Variants in MRTFB observed in about 807,000 individuals in gnomAD.
MRTFB encodes myocardin-related transcription factor B.
MRTFB carries 29 observed loss-of-function variants against 104.2 expected under a neutral mutation model. The observed-to-expected ratio is 0.28, with a 90% CI of 0.21 to 0.38. MRTFB has a LOEUF of 0.38. Ranked by LOEUF, MRTFB falls within the 10% of genes least tolerant of loss-of-function variation. MRTFB has a pLI of 1.00. For missense variants in MRTFB, 1,270 were observed against 1,341.6 expected (o/e 0.95, Z 0.83); for synonymous variants, 535 against 519.5 (o/e 1.03, Z -0.41).
intron 3 of MRTFB, among the ~76,000 whole-genome samples, chr16:14,208,548 GTA>G (rs1555499875): frequency 6.6e-6 from 1 of 152,224 alleles, no homozygotes; most frequent in Non-Finnish European, 1.5e-5. Context: ...TGTTCCAGAA[GTA>G]TCAACCTTTG....
At chr16:14,260,866 T>C (rs771348232) in intron 16 of MRTFB, 43 bp from the exon 17 acceptor site, 16 of 1,506,986 alleles carry the variant, frequency 1.1e-5, no homozygotes, top group Admixed American at 2.1e-5. Context: ...TTTTAAGTAG[T>C]AGTAAATCTT....
chr16:14,085,633 G>C (rs904055954), intron 2 of MRTFB, among the ~76,000 whole-genome samples: 6 of 151,660 alleles, frequency 4.0e-5, no homozygotes, highest in Non-Finnish European at 1.5e-5. Context: ...TTTACATCCA[G>C]CACCTAATAT....
chr16:14,169,444 C>T (rs1450011597), intron 3 of MRTFB, among the ~76,000 whole-genome samples: 2 of 135,258 alleles, frequency 1.5e-5, no homozygotes, highest in Non-Finnish European at 3.0e-5. Context: ...TTAACTTTGC[C>T]CATTTTTTAA....
At chr16:14,151,208 A>T (rs2038598370) in intron 3 of MRTFB, 1 of 152,204 alleles carries the variant, frequency 6.6e-6, no homozygotes, top group Admixed American at 6.5e-5. Flanking sequence ...ATGTGTATGT[A>T]AGTTTTGGTA....
In MRTFB at chr16:14,218,956, T is replaced by C. The variant is rs1425935728; in HGVS notation, c.651T>C (p.Val217=). Residue 217 remains valine, a synonymous_variant, in exon 8 of 17, where the codon GTT becomes GTC. Transcript: ENST00000571589. ...CCGCGTCCCCAAGTGAGCCAAAAGT[T>C]AGTGAATCGCCATCTCCTGTGACTA... ...GSAASPSEPK[V]SESPSPVTTN... 1 of 1,614,046 alleles carries C rather than the reference T, an allele frequency of 6.2e-7. No homozygotes were observed.
At chr16:14,180,105 ATAAGAG>A (rs1379766550) in intron 3 of MRTFB, among the ~76,000 whole-genome samples, 5 of 152,228 alleles carry the variant, frequency 3.3e-5, no homozygotes, top group Non-Finnish European at 7.3e-5. Flanking sequence ...GAACATTCTA[ATAAGAG>A]TAAAAGAATG....
At chr16:14,161,838 C>G (rs2039050758) in intron 3 of MRTFB, among the ~76,000 whole-genome samples, 1 of 152,016 alleles carries the variant, frequency 6.6e-6, no homozygotes, top group South Asian at 2.1e-4. Context: ...TTCATTAGTA[C>G]CTCAAAAATG....
chr16:14,059,808 G>A, the MRTFB span, among the ~76,000 whole-genome samples: 2 of 152,176 alleles, frequency 1.3e-5, no homozygotes, highest in East Asian at 1.9e-4. Flanking sequence ...AGGTGAAGGG[G>A]AAGACAAGAG....
At chr16:14,046,545 T>G in the MRTFB span, among the ~76,000 whole-genome samples, 1 of 152,116 alleles carries the variant, frequency 6.6e-6, no homozygotes, top group African/African-American at 2.4e-5. Context: ...TTTCCAGCAT[T>G]TCTTGGCCTG....
In MRTFB at chr16:14,178,176, C is replaced by T. The variant is rs150092083; in HGVS notation, c.155-32067C>T. Among the ~76,000 whole-genome samples, 286 of 152,042 alleles carry T rather than the reference C, an allele frequency of 1.9e-3. 2 individuals are homozygous for T. The highest frequency in any genetic ancestry group is 3.3e-3 in the Non-Finnish European group (227 of 67,972). ...GACCTAAACAAATTGTCTGGATTCCCTATGGCAAGAAAAAAATTTACTTCT... is the reference window on the plus strand; with the variant it reads ...GACCTAAACAAATTGTCTGGATTCCTTATGGCAAGAAAAAAATTTACTTCT... On this transcript the variant is annotated intron_variant, in intron 3 of 16. Coordinates refer to ENST00000571589, the MANE Select transcript of MRTFB (RefSeq NM_001308142.2).
intron 3 of MRTFB, among the ~76,000 whole-genome samples, chr16:14,209,105 G>A (rs966439265): frequency 6.6e-6 from 1 of 152,202 alleles, no homozygotes; most frequent in South Asian, 2.1e-4. Flanking sequence ...CTGCTCTGCA[G>A]TCAGCGCAAG....
intron 3 of MRTFB, among the ~76,000 whole-genome samples, chr16:14,189,051 C>A (rs1006703051): frequency 6.6e-6 from 1 of 151,972 alleles, no homozygotes; most frequent in African/African-American, 2.4e-5. Flanking sequence ...CTAAATATTT[C>A]TCCTCATTTA....
At chr16:14,215,275 G>C (rs756177545) in intron 6 of MRTFB, among the ~76,000 whole-genome samples, 1 of 152,166 alleles carries the variant, frequency 6.6e-6, no homozygotes, top group South Asian at 2.1e-4. Context: ...CTGTTCTCAA[G>C]TTGGGAGTTT....
Position 14,247,154 on chromosome 16 carries a change from G to A in MRTFB, c.1894G>A (p.Gly632Ser), listed in dbSNP as rs114811657. 185 of 1,614,118 alleles carry A rather than the reference G, an allele frequency of 1.1e-4. No homozygotes were observed. In the East Asian group the frequency reaches 2.7e-3, roughly 24 times the overall value. ...GHSVKSDQKH[G>S]SLGSSIKDEA... ...TTCTGTCAAGTCAGATCAGAAGCAC[G>A]GCAGCCTTGGCTCCTCCATCAAAGA... Residue 632 changes from glycine to serine, a missense_variant, in exon 12 of 17, where the codon GGC (glycine) becomes AGC (serine). By Grantham distance (56) the Gly-to-Ser change is moderately conservative. Coordinates refer to ENST00000571589, the MANE Select transcript of MRTFB (RefSeq NM_001308142.2).
intron 3 of MRTFB, among the ~76,000 whole-genome samples, chr16:14,191,388 TAAAG>T (rs1318144186): frequency 1.3e-5 from 2 of 152,246 alleles, no homozygotes; most frequent in African/African-American, 4.8e-5. Flanking sequence ...TGCCATTTTT[TAAAG>T]AAAGGCACTT....
chr16:14,166,178 G>C (rs1156735929), intron 3 of MRTFB, among the ~76,000 whole-genome samples: 4 of 151,148 alleles, frequency 2.6e-5, no homozygotes, highest in Non-Finnish European at 4.4e-5. Flanking sequence ...CTTGTGTGTG[G>C]AGGAGGAAAC....
intron 2 of MRTFB, among the ~76,000 whole-genome samples, chr16:14,128,308 G>A (rs1307937680): frequency 6.6e-6 from 1 of 152,168 alleles, no homozygotes; most frequent in Non-Finnish European, 1.5e-5. Context: ...ACCTCAAAAG[G>A]TCACCTCTTA....
At chr16:14,106,692 G>T (rs545768510) in intron 2 of MRTFB, among the ~76,000 whole-genome samples, 1 of 152,166 alleles carries the variant, frequency 6.6e-6, no homozygotes, top group African/African-American at 2.4e-5. Flanking sequence ...GAAGGCTTTT[G>T]TAAGAGTGAG....
intron 8 of MRTFB, among the ~76,000 whole-genome samples, chr16:14,231,830 G>C (rs1567196088): frequency 1.3e-5 from 2 of 152,138 alleles, no homozygotes; most frequent in African/African-American, 2.4e-5. Flanking sequence ...AGGGGCTTTT[G>C]TTGTGTTTTG....
Sources: gnomAD v4.1 joint callset for allele counts (sites outside exome capture counted in the v4.1 genomes callset) on GRCh38, gnomAD v4.1.1 for gene constraint, MANE v1.5 for transcripts, NCBI Gene and HGNC (gene_info 2026-07-23, HGNC 2026-07-21) for gene names.